The following FLT3 variants were observed in gnomAD, a reference collection of about 807,000 sequenced individuals.
FLT3 encodes fms related receptor tyrosine kinase 3.
In FLT3, 46 loss-of-function variants were observed where a neutral mutation model predicts 126.6. The observed-to-expected ratio is 0.36, with a 90% CI of 0.29 to 0.46. FLT3 has a LOEUF of 0.46. Among genes scored for constraint, FLT3 ranks in the 20% least tolerant of loss-of-function variants. The pLI, the probability that FLT3 is intolerant of heterozygous loss-of-function variation, is 1.00. For missense variants in FLT3, 1,069 were observed against 1,190.3 expected, an observed-to-expected ratio of 0.90 and a Z score of 1.50; for synonymous variants, 404 against 434.4, an observed-to-expected ratio of 0.93 and a Z score of 0.87.
intron 6 of FLT3, 75 bp downstream of exon 6, chr13:28,050,020 G>T: frequency 1.4e-6 from 2 of 1,478,060 alleles, no homozygotes; most frequent in South Asian, 1.2e-5. Context: ...GATCACCTAC[G>T]CAGTTACTGT....
intron 23 of FLT3, chr13:28,009,560 T>A (rs1170899779): frequency 6.6e-6 from 1 of 152,110 alleles, no homozygotes; most frequent in Non-Finnish European, 1.5e-5. Flanking sequence ...TTAGTTTAGT[T>A]TAGTTCTGTT....
At chr13:28,056,117 C>T (rs1875978178) in intron 4 of FLT3, among the ~76,000 whole-genome samples, 1 of 152,136 alleles carries the variant, frequency 6.6e-6, no homozygotes, top group Non-Finnish European at 1.5e-5. Flanking sequence ...GGGACTCTTG[C>T]GTGCTCTCTT....
chr13:28,091,742 C>G (rs1879119890), intron 1 of FLT3, among the ~76,000 whole-genome samples: 2 of 152,072 alleles, frequency 1.3e-5, no homozygotes, highest in Admixed American at 6.6e-5. Context: ...CAAGACCAGC[C>G]TGGGTAACAC....
In FLT3 at chr13:28,061,919, C is replaced by T; in HGVS notation, c.316G>A (p.Val106Ile). Reference sequence around the variant, plus strand: ...CAATTCAGGGAGCTGTGCTTAAAGACCCAGAGACAGGAAATGTTCCCTGGG... The same window carrying T: ...CAATTCAGGGAGCTGTGCTTAAAGATCCAGAGACAGGAAATGTTCCCTGGG... ...DAPGNISCLWVFKHSSLNCQP... is the reference protein window; with the variant it reads ...DAPGNISCLWIFKHSSLNCQP... The change falls in exon 3 of 24, where the codon GTC becomes ATC. Residue 106 changes from valine (V) to isoleucine (I), a missense_variant. Transcript: ENST00000241453. The T allele has an allele frequency of 6.2e-7, 1 of 1,614,116 alleles. No individual in the cohort carries two copies. Among genetic ancestry groups the T allele is most frequent in the Non-Finnish European group, 8.5e-7 (1 of 1,179,998 alleles).
chr13:28,048,051 G>A lies in FLT3; in HGVS notation c.1205+224C>T, dbSNP rs73439128. On this transcript the variant is annotated intron_variant, in intron 9 of 23. Coordinates refer to ENST00000241453, the MANE Select transcript of FLT3 (RefSeq NM_004119.3). ...ACTCAAACTAGACCAGACTAATACG[G>A]TTCTTTCTGTTTTCATGCAGCAGGT... is the stretch of plus-strand genomic sequence containing the variant. Among the ~76,000 whole-genome samples, 9,852 of 152,178 alleles carry A rather than the reference G, an allele frequency of 0.065. 1,019 individuals carry two copies. The highest frequency in any genetic ancestry group is 0.22 in the African/African-American group (9,191 of 41,496).
intron 8 of FLT3, among the ~76,000 whole-genome samples, chr13:28,049,061 T>A (rs2137726295): frequency 6.6e-6 from 1 of 152,326 alleles, no homozygotes; most frequent in African/African-American, 2.4e-5. Flanking sequence ...TCAGGCTCTG[T>A]GTCAGGTTCT....
Position 28,003,490 on chromosome 13 carries a change from G to A in FLT3, c.*562C>T, listed in dbSNP as rs953241389. 4.2e-6 allele frequency: 1 copy of A among 235,572 alleles called. No homozygotes were observed. The highest frequency in any genetic ancestry group is 6.0e-5 in the East Asian group (1 of 16,658). The allele number at this position is 235,572 out of a possible 1,614,324, so 14.6% of individuals were successfully genotyped here. On this transcript the variant is annotated 3_prime_UTR_variant, in exon 24 of 24. Coordinates refer to ENST00000241453, the MANE Select transcript of FLT3 (RefSeq NM_004119.3). ...GCCTACACATTCCTTGTATCTTGGG[G>A]TAAAAGCACACGTGCTCTGGAAGGA...
intron 9 of FLT3, among the ~76,000 whole-genome samples, chr13:28,040,963 CAAA>C (rs58959298): frequency 9.2e-5 from 10 of 108,680 alleles, no homozygotes; most frequent in Middle Eastern, 5.1e-3. Context: ...GACCCGGACT[CAAA>C]AAAAAAAAAA....
At chr13:28,024,205 C>G (rs1872630837) in intron 18 of FLT3, among the ~76,000 whole-genome samples, 1 of 150,202 alleles carries the variant, frequency 6.7e-6, no homozygotes, top group South Asian at 2.1e-4. Context: ...AATCTCAGCT[C>G]ACTGCAACCT....
At chr13:28,035,836 A>G (rs1474453555) in intron 11 of FLT3, 99 bp downstream of exon 11, 2 of 1,235,458 alleles carry the variant, frequency 1.6e-6, no homozygotes, top group Non-Finnish European at 2.3e-6. Context: ...AGCATTTTAA[A>G]TATTTCATCA....
At chr13:28,032,543 G>A (rs1195701582) in intron 15 of FLT3, among the ~76,000 whole-genome samples, 1 of 152,228 alleles carries the variant, frequency 6.6e-6, no homozygotes, top group Non-Finnish European at 1.5e-5. Flanking sequence ...CTGGGAAGTG[G>A]AGGTTGCAGT....
rs542161910 is a variant in FLT3 at position 28,037,865 on chromosome 13, T to C, written c.1206-577A>G. 4.6e-5 allele frequency among the ~76,000 whole-genome samples: 7 copies of C among 152,286 alleles called. No homozygotes were observed. In the South Asian group the frequency reaches 6.2e-4, roughly 14 times the overall value. ...ACAGGAGCGGAAACCCCACTGTGAA[T>C]TGCACACGCCAGGGATCTAGGTTGT... On this transcript the variant is annotated intron_variant, in intron 9 of 23. Coordinates refer to ENST00000241453, the MANE Select transcript of FLT3 (RefSeq NM_004119.3).
chr13:28,082,169 T>C (rs1325965957), intron 1 of FLT3, among the ~76,000 whole-genome samples: 4 of 142,248 alleles, frequency 2.8e-5, no homozygotes, highest in Non-Finnish European at 4.6e-5. Flanking sequence ...TTGATTCTTA[T>C]AGGCAGGATC....
chr13:28,019,633 AC>A (rs1363657027), intron 19 of FLT3, among the ~76,000 whole-genome samples: 5 of 151,858 alleles, frequency 3.3e-5, no homozygotes, highest in African/African-American at 9.7e-5. Context: ...TGCCCACTTT[AC>A]CCCAGGTCTG....
chr13:28,035,514 C>T lies in FLT3; in HGVS notation c.1578G>A (p.Thr526=), dbSNP rs58490213. The change falls in exon 12 of 24, where the codon ACG becomes ACA. Residue 526 remains threonine (T), a synonymous_variant. Transcript: ENST00000241453. ...TTGTACCTGGAGAGTTTAAAAGGAT[C>T]GTCTCACAAGATGTGCCAAGGGAAT... ...AYNSLGTSCE[T]ILLNSPGPFP... 7.4e-6 allele frequency: 12 copies of T among 1,613,062 alleles called. No homozygotes were observed. In the East Asian group the frequency reaches 1.1e-4, roughly 15 times the overall value.
At position 28,034,089 on chromosome 13, in the gene FLT3, T is replaced by C. The variant is rs757151045; in HGVS notation, c.1830A>G (p.Leu610=). 6.2e-7 allele frequency: 1 copy of C among 1,613,584 alleles called. No individual in the cohort carries two copies. Among genetic ancestry groups the C allele is most frequent in the Admixed American group, 1.7e-5 (1 of 59,918 alleles). Residue 610 remains leucine, a synonymous_variant, in exon 14 of 24, where the codon TTA becomes TTG. Coordinates refer to ENST00000241453, the MANE Select transcript of FLT3 (RefSeq NM_004119.3). ...GGCACATTCCATTCTTACCAAACTC[T>C]AAATTTTCTCTTGGAAACTCCCATT... ...DLKWEFPREN[L]EFGKVLGSGA... is the part of the protein sequence containing the mutation.
In FLT3 at chr13:28,003,474, T is replaced by G. The variant is rs1870616881; in HGVS notation, c.*578A>C. The G allele has an allele frequency of 4.3e-6, 1 of 235,134 alleles. No individual in the cohort carries two copies. Among genetic ancestry groups the G allele is most frequent in the African/African-American group, 2.2e-5 (1 of 45,328 alleles). 14.6% of individuals were successfully genotyped at this position (235,134 alleles called of 1,614,324 possible). ...TGTGACAACCATAGCTGCCTACACATTCCTTGTATCTTGGGGTAAAAGCAC... is the reference window on the plus strand; with the variant it reads ...TGTGACAACCATAGCTGCCTACACAGTCCTTGTATCTTGGGGTAAAAGCAC... On this transcript the variant is annotated 3_prime_UTR_variant, in exon 24 of 24. Coordinates refer to ENST00000241453, the MANE Select transcript of FLT3 (RefSeq NM_004119.3).
chr13:28,092,704 T>C (rs1566109960), intron 1 of FLT3, among the ~76,000 whole-genome samples: 1 of 152,018 alleles, frequency 6.6e-6, no homozygotes, highest in Non-Finnish European at 1.5e-5. Flanking sequence ...CAGAAGTGTC[T>C]TTCTAAAATA....
At chr13:28,004,554 C>T (rs1344669976) in intron 23 of FLT3, among the ~76,000 whole-genome samples, 2 of 152,142 alleles carry the variant, frequency 1.3e-5, no homozygotes, top group African/African-American at 2.4e-5. Flanking sequence ...GATCCCACAC[C>T]ACCCCGGCCT....
Sources: gnomAD v4.1 joint callset for allele counts (sites outside exome capture counted in the v4.1 genomes callset) on GRCh38, gnomAD v4.1.1 for gene constraint, MANE v1.5 for transcripts, NCBI Gene and HGNC (gene_info 2026-07-23, HGNC 2026-07-21) for gene names.